UGT1A9: variants seen among roughly 807,000 people sequenced by gnomAD.
UGT1A9 encodes UDP glucuronosyltransferase family 1 member A9, also known as UDP-glucuronosyltransferase 1A9.
A neutral mutation model predicts 45.0 loss-of-function variants in UGT1A9; 35 were observed. The observed-to-expected ratio is 0.78, with a 90% CI of 0.59 to 1.03. UGT1A9 has a LOEUF of 1.03. Among genes scored for constraint, UGT1A9 ranks in the 50% least tolerant of loss-of-function variants. The probability of loss-of-function intolerance (pLI) is 0.00; values close to 1 mark genes in which losing one functional copy is unlikely to be tolerated. For missense variants in UGT1A9, 687 were observed against 666.6 expected, an observed-to-expected ratio of 1.03 and a Z score of -0.34; for synonymous variants, 278 against 250.6, an observed-to-expected ratio of 1.11 and a Z score of -1.03.
chr2:233,702,766 T>C (rs898157603), intron 1 of UGT1A9, among the ~76,000 whole-genome samples: 6 of 152,248 alleles, frequency 3.9e-5, no homozygotes, highest in East Asian at 1.9e-4. Context: ...TATGTGTTAA[T>C]TGATTTGCAG....
intron 1 of UGT1A9, among the ~76,000 whole-genome samples, chr2:233,724,126 A>ACCTC: frequency 1.1e-5 from 1 of 94,706 alleles, no homozygotes. Flanking sequence ...GGCGCCCCTC[A>ACCTC]CCTCCCGGAC....
intron 1 of UGT1A9, chr2:233,741,805 CTTAA>C (rs1691775177): frequency 6.6e-6 from 1 of 151,910 alleles, no homozygotes; most frequent in African/African-American, 2.4e-5. Flanking sequence ...GCATGCTGCT[CTTAA>C]TTTTTTTCAG....
chr2:233,672,507 C>A lies in UGT1A9; in HGVS notation c.573C>A (p.Pro191=). 2 of 1,613,930 alleles carry A rather than the reference C, an allele frequency of 1.2e-6. No homozygotes were observed. The highest frequency in any genetic ancestry group is 1.7e-6 in the Non-Finnish European group (2 of 1,179,846). Residue 191 remains proline, a synonymous_variant, in exon 1 of 5, where the codon CCC becomes CCA. Transcript: ENST00000354728. ...AQCPAPLSYV[P]RILLGFSDAM... is the part of the protein sequence containing the mutation. ...GCCCTGCTCCTCTTTCCTATGTCCCCAGAATTCTCTTAGGGTTCTCAGATG... is the reference window on the plus strand; with the variant it reads ...GCCCTGCTCCTCTTTCCTATGTCCCAAGAATTCTCTTAGGGTTCTCAGATG...
chr2:233,729,994 G>A, intron 1 of UGT1A9: 1 of 1,613,954 alleles, frequency 6.2e-7, no homozygotes. Flanking sequence ...ACTATCTCAG[G>A]TCTGTATTGG....
At chr2:233,746,748 A>G in intron 1 of UGT1A9, among the ~76,000 whole-genome samples, 1 of 151,864 alleles carries the variant, frequency 6.6e-6, no homozygotes. Flanking sequence ...GTTCCAAAGC[A>G]GAGATTAATT....
intron 1 of UGT1A9, chr2:233,691,346 T>C (rs2075039173): frequency 1.0e-6 from 1 of 985,522 alleles, no homozygotes; most frequent in Non-Finnish European, 1.2e-6. Flanking sequence ...AGTCTTCGCA[T>C]GCCTTGAACA....
At chr2:233,721,339 A>G (rs1028958068) in intron 1 of UGT1A9, among the ~76,000 whole-genome samples, 3 of 152,110 alleles carry the variant, frequency 2.0e-5, no homozygotes, top group African/African-American at 7.2e-5. Context: ...TTCACTATGA[A>G]TATATTCTTT....
rs1263379860 is a variant in UGT1A9 at position 233,724,980 on chromosome 2, C to T, written c.856-42054C>T. 2.1e-5 allele frequency among the ~76,000 whole-genome samples: 3 copies of T among 144,408 alleles called. 1 individual carries two copies. Among genetic ancestry groups the T allele is most frequent in the East Asian group, 2.1e-4 (1 of 4,756 alleles). The allele number at this position is 144,408 out of a possible 152,430, so 94.7% of individuals were successfully genotyped here. Reference sequence around the variant, plus strand: ...GGGAGGCCGAGGTTGGCGGATCACTCGCGGTTAGGGGCTGGAGACCGGCCC... The same window carrying T: ...GGGAGGCCGAGGTTGGCGGATCACTTGCGGTTAGGGGCTGGAGACCGGCCC... On this transcript the variant is annotated intron_variant, in intron 1 of 4. Transcript: ENST00000354728.
intron 1 of UGT1A9, among the ~76,000 whole-genome samples, chr2:233,761,605 A>G (rs1697811953): frequency 6.6e-6 from 1 of 152,260 alleles, no homozygotes; most frequent in South Asian, 2.1e-4. Context: ...TCCAGTTTCT[A>G]AATATTCTGA....
At chr2:233,696,856 TG>T (rs2075362224) in intron 1 of UGT1A9, among the ~76,000 whole-genome samples, 2 of 152,228 alleles carry the variant, frequency 1.3e-5, no homozygotes, top group Admixed American at 1.3e-4. Flanking sequence ...TTTTGTTGAA[TG>T]TTTTTTCAGC....
intron 1 of UGT1A9, chr2:233,755,178 T>C: frequency 8.1e-7 from 1 of 1,236,812 alleles, no homozygotes; most frequent in Non-Finnish European, 1.1e-6. Flanking sequence ...TTTGTCGGGG[T>C]GCCACTTGAG....
intron 1 of UGT1A9, chr2:233,717,713 A>T: frequency 2.4e-5 from 11 of 453,290 alleles, no homozygotes; most frequent in South Asian, 1.7e-4. Flanking sequence ...GACGAGCCTC[A>T]TGGGCATGAG....
intron 1 of UGT1A9, chr2:233,743,760 A>T: frequency 7.3e-7 from 1 of 1,367,362 alleles, no homozygotes; most frequent in South Asian, 1.1e-5. Flanking sequence ...AACACCTCGT[A>T]GGCCTCGGCC....
chr2:233,768,054 A>G (rs1384127703), intron 3 of UGT1A9, 118 bp downstream of exon 3: 4 of 1,603,256 alleles, frequency 2.5e-6, no homozygotes, highest in East Asian at 4.5e-5. Context: ...CATATCCTAC[A>G]TTGCTTTTTA....
intron 1 of UGT1A9, among the ~76,000 whole-genome samples, chr2:233,683,285 G>T (rs1053876282): frequency 3.3e-5 from 5 of 151,998 alleles, no homozygotes; most frequent in Non-Finnish European, 7.4e-5. Flanking sequence ...ATAAGTTAAA[G>T]ATATCTTTAC....
intron 1 of UGT1A9, among the ~76,000 whole-genome samples, chr2:233,737,177 G>A (rs566988062): frequency 3.9e-5 from 6 of 152,300 alleles, no homozygotes; most frequent in Middle Eastern, 3.4e-3. Flanking sequence ...AGTCTATAGC[G>A]GCAGTAGCCC....
At chr2:233,691,112 C>G (rs1240523008) in intron 1 of UGT1A9, 1 of 985,862 alleles carries the variant, frequency 1.0e-6, no homozygotes, top group Non-Finnish European at 1.2e-6. Context: ...TTCCTACATG[C>G]TTGCTTAAGC....
chr2:233,684,198 C>T (rs1414669213), intron 1 of UGT1A9, among the ~76,000 whole-genome samples: 1 of 152,134 alleles, frequency 6.6e-6, no homozygotes, highest in African/African-American at 2.4e-5. Context: ...AGTGACTGTT[C>T]AACCAACTCA....
intron 1 of UGT1A9, among the ~76,000 whole-genome samples, chr2:233,744,983 A>G (rs1224917598): frequency 1.3e-5 from 2 of 151,846 alleles, no homozygotes; most frequent in African/African-American, 4.9e-5. Flanking sequence ...GCCTCTAGTC[A>G]TCTCTTGATT....
Sources: allele counts gnomAD v4.1 joint callset (sites outside exome capture counted in the v4.1 genomes callset), GRCh38; gene constraint gnomAD v4.1.1; transcripts MANE v1.5; gene names NCBI Gene and HGNC (gene_info 2026-07-23, HGNC 2026-07-21).